The following RTKN2 variants were observed in gnomAD, a reference collection of about 807,000 sequenced individuals.
RTKN2 encodes rhotekin 2, also known as rhotekin-2.
A neutral mutation model predicts 71.5 loss-of-function variants in RTKN2; 69 were observed. The ratio of observed to expected loss-of-function variants is 0.96; its 90% CI spans 0.79 to 1.18. RTKN2 has a LOEUF of 1.18. Among genes scored for constraint, RTKN2 ranks in the 50% most tolerant of loss-of-function variants. The pLI, the probability that RTKN2 is intolerant of heterozygous loss-of-function variation, is 0.00. For missense variants in RTKN2, 724 were observed against 719.7 expected (o/e 1.01, Z -0.07); for synonymous variants, 236 against 236.5 (o/e 1.00, Z 0.02).
intron 1 of RTKN2, among the ~76,000 whole-genome samples, chr10:62,264,836 A>T (rs1842840018): frequency 6.8e-6 from 1 of 146,226 alleles, no homozygotes. Context: ...GGGCTTGAGC[A>T]TTTTTTTTTT....
rs1159369455 is a variant in RTKN2, at chr10:62,195,366, G to T, written c.*2542C>A. The T allele has an allele frequency of 1.0e-6, 1 of 983,234 alleles. No homozygotes were observed. Among genetic ancestry groups the T allele is most frequent in the African/African-American group, 1.7e-5 (1 of 57,164 alleles). The allele number at this position is 983,234 out of a possible 1,614,324, so 60.9% of individuals were successfully genotyped here. A position where few individuals can be genotyped will look rare whatever the true frequency, so the allele number is the denominator to read the frequency against. On this transcript the variant is annotated 3_prime_UTR_variant, in exon 12 of 12. Transcript: ENST00000373789. ...TTCATATTACATGGCATATTTATTT[G>T]TCATAAACTTCTGGTTTAAGAAATG...
At chr10:62,251,308 G>A (rs1842576767) in intron 2 of RTKN2, among the ~76,000 whole-genome samples, 2 of 152,126 alleles carry the variant, frequency 1.3e-5, no homozygotes, top group Non-Finnish European at 2.9e-5. Context: ...AGTTATTGTT[G>A]TTCATCTCTT....
At chr10:62,223,018 G>A (rs1262541772) in intron 7 of RTKN2, among the ~76,000 whole-genome samples, 1 of 152,150 alleles carries the variant, frequency 6.6e-6, no homozygotes, top group African/African-American at 2.4e-5. Context: ...GAGCATACCT[G>A]AGACCCTTCT....
chr10:62,261,532 T>C (rs987218962), intron 2 of RTKN2, among the ~76,000 whole-genome samples: 10 of 151,966 alleles, frequency 6.6e-5, no homozygotes, highest in Admixed American at 5.9e-4. Context: ...ACGCCTATAG[T>C]CCCAGTTACT....
In RTKN2 at chr10:62,222,973, G is replaced by T. The variant is rs1564511192; in HGVS notation, c.781+265C>A. ...TCTTTAATTTCCAGCTAGAAGAGTGGTAAAGTCATAAATTCCAAGTCAAAA... is the reference window on the plus strand; with the variant it reads ...TCTTTAATTTCCAGCTAGAAGAGTGTTAAAGTCATAAATTCCAAGTCAAAA... On this transcript the variant is annotated intron_variant, in intron 7 of 11. Transcript: ENST00000373789. Among the ~76,000 whole-genome samples the T allele has an allele frequency of 1.3e-5, 2 of 152,114 alleles. 1 individual carries two copies. Among genetic ancestry groups the T allele is most frequent in the Non-Finnish European group, 2.9e-5 (2 of 68,018 alleles).
intron 1 of RTKN2, among the ~76,000 whole-genome samples, chr10:62,264,141 T>C (rs1842827335): frequency 6.6e-6 from 1 of 152,180 alleles, no homozygotes; most frequent in Non-Finnish European, 1.5e-5. Flanking sequence ...AAATGAAATC[T>C]AATACCAAAA....
chr10:62,195,825 G>A lies in RTKN2; in HGVS notation c.*2083C>T, dbSNP rs745432150. The A allele has an allele frequency of 7.1e-6, 7 of 985,316 alleles. No individual in the cohort carries two copies. Among genetic ancestry groups the A allele is most frequent in the African/African-American group, 1.7e-5 (1 of 57,166 alleles). 61.0% of individuals were successfully genotyped at this position (985,316 alleles called of 1,614,324 possible). On this transcript the variant is annotated 3_prime_UTR_variant, in exon 12 of 12. Coordinates refer to ENST00000373789, the MANE Select transcript of RTKN2 (RefSeq NM_145307.4). ...AATAATTTGGTGGGGAGGGGGTGGT[G>A]GTCCTTGCTCAGGCTTTTAAATGGT...
At chr10:62,203,085 G>A (rs549084313) in intron 10 of RTKN2, among the ~76,000 whole-genome samples, 12 of 152,222 alleles carry the variant, frequency 7.9e-5, no homozygotes, top group East Asian at 1.9e-4. Context: ...ACTTGAACCC[G>A]GGAGGCAGAG....
intron 3 of RTKN2, among the ~76,000 whole-genome samples, chr10:62,243,117 A>T (rs1272745709): frequency 7.1e-6 from 1 of 140,960 alleles, no homozygotes; most frequent in African/African-American, 2.6e-5. Context: ...ATATCTCCTA[A>T]TGCTATCCCT....
At chr10:62,255,258 C>T (rs2133071132) in intron 2 of RTKN2, among the ~76,000 whole-genome samples, 1 of 152,128 alleles carries the variant, frequency 6.6e-6, no homozygotes, top group Admixed American at 6.5e-5. Flanking sequence ...ATCACTATGT[C>T]CACTGAAAAA....
At chr10:62,266,329 T>C (rs1212484293) in intron 1 of RTKN2, among the ~76,000 whole-genome samples, 1 of 152,176 alleles carries the variant, frequency 6.6e-6, no homozygotes, top group Non-Finnish European at 1.5e-5. Context: ...AACCTGAAGT[T>C]GAACTCCCGG....
chr10:62,240,254 G>GA (rs11385726), intron 4 of RTKN2, among the ~76,000 whole-genome samples: 128,357 of 145,760 alleles, frequency 0.88, 56,524 homozygotes, highest in East Asian at 0.99. Context: ...GAAACCACAA[G>GA]AAAAAAAAAA....
chr10:62,261,146 A>G (rs1184928019), intron 2 of RTKN2, among the ~76,000 whole-genome samples: 1 of 152,244 alleles, frequency 6.6e-6, no homozygotes, highest in African/African-American at 2.4e-5. Flanking sequence ...GCCTATCTGA[A>G]AAACATTTTC....
In RTKN2 at chr10:62,194,431, C is replaced by T; in HGVS notation, c.*3477G>A. The T allele has an allele frequency of 6.1e-6, 6 of 976,126 alleles. No individual in the cohort carries two copies. The highest frequency in any genetic ancestry group is 7.3e-6 in the Non-Finnish European group (6 of 821,566). 60.5% of individuals were successfully genotyped at this position (976,126 alleles called of 1,614,324 possible). A position where few individuals can be genotyped will look rare whatever the true frequency, so the allele number is the denominator to read the frequency against. On this transcript the variant is annotated 3_prime_UTR_variant, in exon 12 of 12. Coordinates refer to ENST00000373789, the MANE Select transcript of RTKN2 (RefSeq NM_145307.4). ...AATTTAAGACTAACAGTGAAGATGG[C>T]TACTAGAATATAAATGGTCATCAGT... is the stretch of plus-strand genomic sequence containing the variant.
chr10:62,238,107 T>C lies in RTKN2; in HGVS notation c.488+1541A>G, dbSNP rs535064567. 2.0e-5 allele frequency: 3 copies of C among 152,044 alleles called. No individual in the cohort carries two copies. The South Asian group carries it at 6.2e-4, about 32-fold the overall frequency. The allele number at this position is 152,044 out of a possible 1,614,324, so 9.4% of individuals were successfully genotyped here. The stretch of plus-strand genomic sequence containing the variant: ...AAAATGGAGCACAGACTTTTAAAGA[T>C]ATAAATGGCCAATCTATAGTTTGAA... On this transcript the variant is annotated intron_variant, in intron 5 of 11. Transcript: ENST00000373789.
At position 62,262,796 on chromosome 10, in the gene RTKN2, T is replaced by C; in HGVS notation, c.86A>G (p.Asp29Gly). Residue 29 changes from aspartate (D) to glycine (G), a missense_variant, in exon 2 of 12, where the codon GAC becomes GGC. Coordinates refer to ENST00000373789, the MANE Select transcript of RTKN2 (RefSeq NM_145307.4). ...QQDCNIQEKI[D>G]LEIRMREGIW... is the part of the protein sequence containing the mutation. ...TCCTTCTCGCATTCGAATTTCTAAG[T>C]CTATTTTTTCTTGAATGTTGCAGTC... 6.2e-7 allele frequency: 1 copy of C among 1,607,722 alleles called. No homozygotes were observed. Among genetic ancestry groups the C allele is most frequent in the Non-Finnish European group, 8.5e-7 (1 of 1,177,790 alleles).
rs1009697242 is a variant in RTKN2, at chr10:62,223,327, A to T, written c.692T>A (p.Val231Glu). ...CLLLSSAVFGVKYNLLAHTTL... is the reference protein window; with the variant it reads ...CLLLSSAVFGEKYNLLAHTTL... ...AGTGTGAGCTAGCAAATTATACTTT[A>T]CACCACTAATAGTAAGAAAGAAGAC... The change falls in exon 7 of 12, where the codon GTA (valine) becomes GAA (glutamate). Residue 231 changes from valine (V) to glutamate (E), a missense_variant. Physicochemically the swap from Val to Glu is moderately radical, Grantham distance 121. Coordinates refer to ENST00000373789, the MANE Select transcript of RTKN2 (RefSeq NM_145307.4). The T allele has an allele frequency of 3.8e-6, 6 of 1,584,012 alleles. No homozygotes were observed. Among genetic ancestry groups the T allele is most frequent in the Non-Finnish European group, 5.2e-6 (6 of 1,152,784 alleles).
intron 2 of RTKN2, among the ~76,000 whole-genome samples, chr10:62,258,105 T>TA (rs1402837244): frequency 1.3e-5 from 2 of 152,206 alleles, no homozygotes; most frequent in African/African-American, 2.4e-5. Flanking sequence ...TGTGTGGTTT[T>TA]AAAAAAACAA....
At chr10:62,206,810 T>C (rs1006821522) in intron 9 of RTKN2, among the ~76,000 whole-genome samples, 2 of 152,052 alleles carry the variant, frequency 1.3e-5, no homozygotes, top group African/African-American at 4.8e-5. Context: ...TTAGTTCTTT[T>C]AAGTAATTAT....
Sources: allele counts gnomAD v4.1 joint callset (sites outside exome capture counted in the v4.1 genomes callset), GRCh38; gene constraint gnomAD v4.1.1; transcripts MANE v1.5; gene names NCBI Gene and HGNC (gene_info 2026-07-23, HGNC 2026-07-21).